OSBPL10: variants seen among roughly 807,000 people sequenced by gnomAD.
OSBPL10 encodes the protein oxysterol-binding protein-related protein 10.
Under a neutral mutation model 81.7 loss-of-function variants are expected in OSBPL10, and 49 were observed. The observed-to-expected ratio is 0.60, with a 90% confidence interval of 0.48 to 0.76. The LOEUF (loss-of-function observed/expected upper bound fraction) is 0.76. Ranked by LOEUF, OSBPL10 falls within the 30% of genes least tolerant of loss-of-function variation. The pLI is 0.00. For missense variants in OSBPL10, 923 were observed against 987.8 expected, an observed-to-expected ratio of 0.93 and a Z score of 0.88; for synonymous variants, 419 against 383.6, an observed-to-expected ratio of 1.09 and a Z score of -1.08.
chr3:31,677,029 T>C (rs1436805530), intron 8 of OSBPL10, among the ~76,000 whole-genome samples: 1 of 152,180 alleles, frequency 6.6e-6, no homozygotes, highest in Non-Finnish European at 1.5e-5. Flanking sequence ...CTAAAGGCCA[T>C]GATTTAGGAG....
intron 2 of OSBPL10, chr3:31,990,232 C>T: frequency 1.2e-6 from 2 of 1,614,026 alleles, no homozygotes; most frequent in Non-Finnish European, 1.7e-6. Flanking sequence ...GCAGTCAACA[C>T]TTATTCACCA....
intron 4 of OSBPL10, among the ~76,000 whole-genome samples, chr3:31,819,350 G>A (rs542335049): frequency 6.6e-6 from 1 of 152,316 alleles, no homozygotes; most frequent in South Asian, 2.1e-4. Flanking sequence ...ACTCTGCCGG[G>A]CACTTTTACT....
intron 4 of OSBPL10, among the ~76,000 whole-genome samples, chr3:31,806,655 T>C (rs1050278181): frequency 6.6e-6 from 1 of 152,140 alleles, no homozygotes; most frequent in Admixed American, 6.5e-5. Flanking sequence ...AGTCAGGCAG[T>C]AACAAGCGCT....
intron 3 of OSBPL10, among the ~76,000 whole-genome samples, chr3:31,863,381 AC>A (rs1298701378): frequency 3.3e-5 from 5 of 152,196 alleles, no homozygotes; most frequent in Admixed American, 6.5e-5. Context: ...AATTTTGAAA[AC>A]ATACTAAAAA....
At chr3:31,893,323 CAT>C (rs1559508039) in intron 1 of OSBPL10, among the ~76,000 whole-genome samples, 1 of 152,190 alleles carries the variant, frequency 6.6e-6, no homozygotes, top group African/African-American at 2.4e-5. Flanking sequence ...AAAAGATGCA[CAT>C]GATTAGTCTT....
At chr3:31,859,220 C>T (rs72850572) in intron 3 of OSBPL10, among the ~76,000 whole-genome samples, 4,194 of 151,874 alleles carry the variant, frequency 0.028, 208 homozygotes, top group African/African-American at 0.097. Flanking sequence ...CACACCAGAT[C>T]CTCCATTTGT....
intron 3 of OSBPL10, among the ~76,000 whole-genome samples, chr3:31,831,485 C>G (rs971879851): frequency 5.3e-5 from 8 of 150,988 alleles, no homozygotes; most frequent in Non-Finnish European, 1.0e-4. Flanking sequence ...GCAAAGGAAA[C>G]AAACAGACCA....
intron 3 of OSBPL10, among the ~76,000 whole-genome samples, chr3:31,859,484 C>A (rs1173384818): frequency 6.6e-6 from 1 of 152,220 alleles, no homozygotes; most frequent in Non-Finnish European, 1.5e-5. Flanking sequence ...GTGTACATGG[C>A]CTCCAGCCAT....
At chr3:31,880,441 G>A (rs1357018724) in intron 1 of OSBPL10, among the ~76,000 whole-genome samples, 1 of 151,778 alleles carries the variant, frequency 6.6e-6, no homozygotes, top group Non-Finnish European at 1.5e-5. Flanking sequence ...CTACATCCAT[G>A]GTAAAAGAAG....
chr3:31,985,861 A>C (rs557866368), upstream of OSBPL10, among the ~76,000 whole-genome samples: 17 of 152,242 alleles, frequency 1.1e-4, no homozygotes, highest in African/African-American at 4.1e-4. Context: ...TCCTCACAAC[A>C]ACCACATGAG....
In OSBPL10 at chr3:31,838,372, G is replaced by A. The variant is rs552192083; in HGVS notation, c.538-8141C>T. Among the ~76,000 whole-genome samples, 37 of 152,176 alleles carry A rather than the reference G, an allele frequency of 2.4e-4. No homozygotes were observed. The South Asian group carries it at 6.2e-3, about 26-fold the overall frequency. On this transcript the variant is annotated intron_variant, in intron 3 of 11. Transcript: ENST00000396556. ...AAGAATACAAAAAAATTAGCCGGGCGTGGTGGCGGCAGCCTGTAGTCCCAG... is the reference window on the plus strand; with the variant it reads ...AAGAATACAAAAAAATTAGCCGGGCATGGTGGCGGCAGCCTGTAGTCCCAG...
chr3:31,937,293 A>AG (rs199952970), intron 1 of OSBPL10, among the ~76,000 whole-genome samples: 25 of 150,128 alleles, frequency 1.7e-4, no homozygotes, highest in Non-Finnish European at 3.6e-4. Context: ...AAAAAAAAAA[A>AG]GAAAGAAAGT....
At chr3:31,903,370 C>T (rs12495264) in intron 1 of OSBPL10, among the ~76,000 whole-genome samples, 28,044 of 149,170 alleles carry the variant, frequency 0.19, 2,855 homozygotes, top group Non-Finnish European at 0.24. Flanking sequence ...CTATGTTGCC[C>T]GGATTGGAGT....
intron 1 of OSBPL10, among the ~76,000 whole-genome samples, chr3:31,965,947 ATATATATTATATAT>A (rs1338028703): frequency 1.8e-5 from 2 of 109,554 alleles, no homozygotes; most frequent in South Asian, 5.9e-4. Flanking sequence ...AAAATAGATA[ATATATATTATATAT>A]TATATAAAAT....
rs1392740002 is a variant in OSBPL10 at position 31,783,788 on chromosome 3, TTAAAAAAAA to T, written c.730-35677_730-35669del. ...ACTGGGTGACAGAGCAAGACTCCGA[TTAAAAAAAA>T]AAAAAAAAAAAAAAAAAAAAAAAAA... On this transcript the variant is annotated intron_variant, in intron 4 of 11. Coordinates refer to ENST00000396556, the MANE Select transcript of OSBPL10 (RefSeq NM_017784.5). 1.6e-3 allele frequency among the ~76,000 whole-genome samples: 30 copies of T among 18,904 alleles called. 1 individual carries two copies. Among genetic ancestry groups the T allele is most frequent in the East Asian group, 5.3e-3 (2 of 378 alleles). 12.4% of individuals were successfully genotyped at this position (18,904 alleles called of 152,430 possible).
Position 31,961,926 on chromosome 3 carries a change from T to A in OSBPL10, c.281+18973A>T, listed in dbSNP as rs564415729. Among the ~76,000 whole-genome samples the A allele has an allele frequency of 2.7e-5, 4 of 148,934 alleles. No individual in the cohort carries two copies. The East Asian group carries it at 7.9e-4, about 29-fold the overall frequency. On this transcript the variant is annotated intron_variant, in intron 1 of 11. Coordinates refer to ENST00000396556, the MANE Select transcript of OSBPL10 (RefSeq NM_017784.5). ...GTTTTGGTTTTTTTTTTTTTAAGAGTTTTTTTTGGCAGAGGGGAGGGTTGC... is the reference window on the plus strand; with the variant it reads ...GTTTTGGTTTTTTTTTTTTTAAGAGATTTTTTTGGCAGAGGGGAGGGTTGC...
intron 1 of OSBPL10, among the ~76,000 whole-genome samples, chr3:32,071,337 C>T (rs1351533503): frequency 6.6e-6 from 1 of 152,192 alleles, no homozygotes; most frequent in Non-Finnish European, 1.5e-5. Context: ...AAAACCATTA[C>T]ATAAACTCAC....
intron 4 of OSBPL10, among the ~76,000 whole-genome samples, chr3:31,814,573 A>G (rs1699784691): frequency 6.6e-6 from 1 of 152,204 alleles, no homozygotes; most frequent in Non-Finnish European, 1.5e-5. Flanking sequence ...TGATGCGTCT[A>G]TGAACCACAG....
chr3:31,725,490 A>T (rs944262107), intron 6 of OSBPL10, among the ~76,000 whole-genome samples: 19 of 152,218 alleles, frequency 1.2e-4, no homozygotes, highest in African/African-American at 4.6e-4. Flanking sequence ...GAATGTCTTC[A>T]GCAGCTCTTC....
Sources: gnomAD v4.1 joint callset for allele counts (sites outside exome capture counted in the v4.1 genomes callset) on GRCh38, gnomAD v4.1.1 for gene constraint, MANE v1.5 for transcripts, NCBI Gene and HGNC (gene_info 2026-07-23, HGNC 2026-07-21) for gene names.